CDC42BPB: variants seen among roughly 807,000 people sequenced by gnomAD.
The protein encoded by CDC42BPB is serine/threonine-protein kinase MRCK beta.
Under a neutral mutation model 214.9 loss-of-function variants are expected in CDC42BPB, and 37 were observed. The observed-to-expected ratio is 0.17, with a 90% CI of 0.13 to 0.23. The LOEUF (loss-of-function observed/expected upper bound fraction) is 0.23. CDC42BPB is among the 10% of genes least tolerant of loss of function. The pLI, the probability that CDC42BPB is intolerant of heterozygous loss-of-function variation, is 1.00. For synonymous variants in CDC42BPB, 931 were observed against 884.0 expected (o/e 1.05, Z -0.94); for missense variants, 1,694 against 2,227.0 (o/e 0.76, Z 4.82).
chr14:102,987,837 T>C (rs1894318828), intron 5 of CDC42BPB, among the ~76,000 whole-genome samples: 1 of 138,756 alleles, frequency 7.2e-6, no homozygotes, highest in Non-Finnish European at 1.5e-5. Context: ...CCAGGTGCAG[T>C]GGCTCACAAA....
At chr14:102,962,442 A>G (rs746992424) in intron 20 of CDC42BPB, among the ~76,000 whole-genome samples, 1 of 152,274 alleles carries the variant, frequency 6.6e-6, no homozygotes, top group Non-Finnish European at 1.5e-5. Flanking sequence ...CGCACAGTGC[A>G]GCTGCAGAGG....
intron 5 of CDC42BPB, among the ~76,000 whole-genome samples, chr14:102,990,909 A>G (rs1894461747): frequency 6.6e-6 from 1 of 152,216 alleles, no homozygotes; most frequent in South Asian, 2.1e-4. Flanking sequence ...GATCACAAAC[A>G]GACCAATACA....
intron 30 of CDC42BPB, among the ~76,000 whole-genome samples, chr14:102,942,796 C>A (rs1891957526): frequency 6.6e-6 from 1 of 151,862 alleles, no homozygotes; most frequent in African/African-American, 2.4e-5. Flanking sequence ...CCTCTGCGTC[C>A]CGGGTTCAAG....
Position 102,950,610 on chromosome 14 carries a change from A to C in CDC42BPB, c.3173-8T>G. 6.4e-7 allele frequency: 1 copy of C among 1,568,736 alleles called. No homozygotes were observed. Among genetic ancestry groups the C allele is most frequent in the Non-Finnish European group, 8.7e-7 (1 of 1,156,054 alleles). On this transcript the variant is annotated splice_polypyrimidine_tract_variant and splice_region_variant and intron_variant, in intron 24 of 36. Coordinates refer to ENST00000361246, the MANE Select transcript of CDC42BPB (RefSeq NM_006035.4). Reference sequence around the variant, plus strand: ...GGCAAGCAAAGGAACACACTGGAAGAGAGCAAGAACACTGCCTTCAAAGCT... The same window carrying C: ...GGCAAGCAAAGGAACACACTGGAAGCGAGCAAGAACACTGCCTTCAAAGCT...
chr14:102,974,279 CTT>C (rs1468467950), intron 11 of CDC42BPB, 130 bp from the exon 12 acceptor site: 12 of 1,407,638 alleles, frequency 8.5e-6, no homozygotes, highest in East Asian at 8.0e-5. Flanking sequence ...GGTTTTTTTA[CTT>C]ACACACACAC....
chr14:103,019,748 A>G (rs1039897655), intron 1 of CDC42BPB, among the ~76,000 whole-genome samples: 1 of 152,220 alleles, frequency 6.6e-6, no homozygotes, highest in South Asian at 2.1e-4. Flanking sequence ...TTTTCTCCTC[A>G]TCAATCTCTT....
At chr14:102,951,220 G>A (rs1892476052) in intron 24 of CDC42BPB, among the ~76,000 whole-genome samples, 1 of 152,216 alleles carries the variant, frequency 6.6e-6, no homozygotes, top group Non-Finnish European at 1.5e-5. Context: ...AGCGGTCATG[G>A]GGACGTGGGG....
chr14:102,967,361 A>C lies in CDC42BPB; in HGVS notation c.2347-191T>G, dbSNP rs1893258030. ...TAAGTCACATTTCAATTCAAATCTA[A>C]ACCTAAACTGATGGAGCTGGAGCTA... is the stretch of plus-strand genomic sequence containing the variant. On this transcript the variant is annotated intron_variant, in intron 16 of 36. Coordinates refer to ENST00000361246, the MANE Select transcript of CDC42BPB (RefSeq NM_006035.4). 3 of 985,274 alleles carry C rather than the reference A, an allele frequency of 3.0e-6. No homozygotes were observed. The South Asian group carries it at 1.4e-4, about 46-fold the overall frequency. 61.0% of individuals were successfully genotyped at this position (985,274 alleles called of 1,614,324 possible). A position where few individuals can be genotyped will look rare whatever the true frequency, so the allele number is the denominator to read the frequency against.
chr14:102,953,816 C>G (rs1022134537), intron 23 of CDC42BPB, among the ~76,000 whole-genome samples: 3 of 152,182 alleles, frequency 2.0e-5, no homozygotes, highest in Non-Finnish European at 2.9e-5. Context: ...TCTCACCCAC[C>G]AGCCACATGG....
rs1393360807 is a variant in CDC42BPB at position 103,001,959 on chromosome 14, G to A, written c.447+1969C>T. 2.0e-5 allele frequency among the ~76,000 whole-genome samples: 3 copies of A among 152,254 alleles called. No homozygotes were observed. Among genetic ancestry groups the A allele is most frequent in the Non-Finnish European group, 4.4e-5 (3 of 68,046 alleles). ...AGGCAGACGGCGGAGGCCCACTCCA[G>A]AATGAGAATCAGACCTAGTCTGTCC... is the stretch of plus-strand genomic sequence containing the variant. On this transcript the variant is annotated intron_variant, in intron 4 of 36. Coordinates refer to ENST00000361246, the MANE Select transcript of CDC42BPB (RefSeq NM_006035.4). This position sits in a 1 kb window ranked among gnomAD's most constrained non-coding sequence, Gnocchi z 5.8.
chr14:103,037,897 C>T (rs533223090), intron 1 of CDC42BPB, among the ~76,000 whole-genome samples: 11 of 151,752 alleles, frequency 7.2e-5, no homozygotes, highest in Non-Finnish European at 1.5e-4. Context: ...GGCGTGGTGG[C>T]GGGCGCCTAT....
intron 1 of CDC42BPB, among the ~76,000 whole-genome samples, chr14:103,036,445 G>A (rs1354542731): frequency 2.6e-5 from 4 of 151,986 alleles, no homozygotes; most frequent in East Asian, 1.9e-4. Flanking sequence ...GTGAGCCACC[G>A]CGCCCAGCCT....
intron 31 of CDC42BPB, 23 bp downstream of exon 31, chr14:102,940,204 G>A: frequency 1.2e-6 from 2 of 1,610,284 alleles, no homozygotes; most frequent in Non-Finnish European, 1.7e-6. Flanking sequence ...CGCCCGCACA[G>A]GAGGGCACCG....
At chr14:102,947,006 T>C (rs996487547) in intron 27 of CDC42BPB, among the ~76,000 whole-genome samples, 1 of 152,168 alleles carries the variant, frequency 6.6e-6, no homozygotes, top group African/African-American at 2.4e-5. Flanking sequence ...ATTCTGAAAA[T>C]GTGTCCAGGA....
At chr14:102,988,280 T>G (rs1894339109) in intron 5 of CDC42BPB, among the ~76,000 whole-genome samples, 1 of 150,714 alleles carries the variant, frequency 6.6e-6, no homozygotes, top group Non-Finnish European at 1.5e-5. Context: ...GATGCATAAC[T>G]GGAGTCCCTG....
Position 103,057,111 on chromosome 14 carries a change from G to A in CDC42BPB, c.63C>T (p.Asn21=), listed in dbSNP as rs1201478139. The change falls in exon 1 of 37, where the codon AAC becomes AAT. Residue 21 remains asparagine, a synonymous_variant. Transcript: ENST00000361246. ...EQLLLDGPWR[N]ESALSVETLL... The stretch of plus-strand genomic sequence containing the variant: ...GCGTTTCCACGCTCAGGGCGCTCTC[G>A]TTGCGCCAGGGCCCGTCCAGGAGCA... 1.3e-6 allele frequency: 2 copies of A among 1,523,054 alleles called. No homozygotes were observed. The highest frequency in any genetic ancestry group is 2.6e-5 in the East Asian group (1 of 38,098). 94.3% of individuals were successfully genotyped at this position (1,523,054 alleles called of 1,614,324 possible).
At chr14:102,991,562 T>C (rs1031850910) in intron 5 of CDC42BPB, among the ~76,000 whole-genome samples, 20 of 152,194 alleles carry the variant, frequency 1.3e-4, no homozygotes, top group Non-Finnish European at 2.8e-4. Flanking sequence ...TGATTAAGCA[T>C]GAGTAGTGTA....
intron 3 of CDC42BPB, among the ~76,000 whole-genome samples, chr14:103,007,306 G>A (rs1456437320): frequency 6.6e-6 from 1 of 152,126 alleles, no homozygotes; most frequent in African/African-American, 2.4e-5. Context: ...AGCGGGGGAG[G>A]GAAAAGCCAG....
chr14:102,939,130 A>G (rs1023497476), intron 34 of CDC42BPB, among the ~76,000 whole-genome samples: 7 of 151,836 alleles, frequency 4.6e-5, no homozygotes, highest in African/African-American at 9.7e-5. Flanking sequence ...TAGTAGAGAC[A>G]GGGTTTCACC....
Sources: allele counts gnomAD v4.1 joint callset (sites outside exome capture counted in the v4.1 genomes callset), GRCh38; gene constraint gnomAD v4.1.1; non-coding constraint Gnocchi (gnomAD v3.1); transcripts MANE v1.5; gene names NCBI Gene and HGNC (gene_info 2026-07-23, HGNC 2026-07-21).